The following RHD variants were observed in gnomAD, a reference collection of about 807,000 sequenced individuals.
RHD encodes the protein Rh blood group D antigen.
In RHD, 16 loss-of-function variants were observed where a neutral mutation model predicts 45.5. The ratio of observed to expected loss-of-function variants is 0.35; its 90% CI spans 0.24 to 0.53. The LOEUF (loss-of-function observed/expected upper bound fraction) is 0.53, where lower values mean the gene tolerates loss of function less well. RHD is among the 20% of genes least tolerant of loss of function. The pLI is 0.92. For missense variants in RHD, 306 were observed against 532.0 expected (o/e 0.58, Z 4.18); for synonymous variants, 131 against 217.5 (o/e 0.60, Z 3.50).
In RHD at chr1:25,329,740, G is replaced by A. The variant is rs181689405; in HGVS notation, c.*816G>A. ...GCAATCTCGGCTCACTGCAACCTCC[G>A]CCTCCCAGGTTCAAGCAATTCTCCT... On this transcript the variant is annotated 3_prime_UTR_variant, in exon 10 of 10. Transcript: ENST00000328664. 974 of 128,426 alleles carry A rather than the reference G, an allele frequency of 7.6e-3. 229 individuals carry two copies. The highest frequency in any genetic ancestry group is 0.013 in the Non-Finnish European group (723 of 54,378). 8.0% of individuals were successfully genotyped at this position (128,426 alleles called of 1,614,324 possible).
At position 25,305,165 on chromosome 1, in the gene RHD, A is replaced by G. The variant is rs550490174; in HGVS notation, c.940-1431A>G. ...GGTTGACAGCCAAGTGTTGACAGAG[A>G]AGTAGTATTAGCCAGGCAGAGACAT... On this transcript the variant is annotated intron_variant, in intron 6 of 9. Coordinates refer to ENST00000328664, the MANE Select transcript of RHD (RefSeq NM_016124.6). 9.2e-5 allele frequency among the ~76,000 whole-genome samples: 12 copies of G among 130,580 alleles called. 1 individual carries two copies. The highest frequency in any genetic ancestry group is 2.6e-4 in the African/African-American group (10 of 37,988). 85.7% of individuals were successfully genotyped at this position (130,580 alleles called of 152,430 possible).
At position 25,272,769 on chromosome 1, in the gene RHD, A is replaced by G. The variant is rs1020926236; in HGVS notation, c.148+74A>G. ...GGGCGGGGGAGGCCTGTGGTTCTCC[A>G]GGGGCACAGATGTTCCTTTCTACAA... On this transcript the variant is annotated intron_variant, in intron 1 of 9. Coordinates refer to ENST00000328664, the MANE Select transcript of RHD (RefSeq NM_016124.6). The G allele has an allele frequency of 1.1e-5, 15 of 1,348,482 alleles. 3 individuals are homozygous for G. The African/African-American group carries it at 1.8e-4, about 17-fold the overall frequency. 83.5% of individuals were successfully genotyped at this position (1,348,482 alleles called of 1,614,324 possible).
chr1:25,321,849 T>C (rs1187466617), intron 8 of RHD, 40 bp from the exon 9 acceptor site: 1 of 988,256 alleles, frequency 1.0e-6, no homozygotes, highest in East Asian at 2.3e-5. Flanking sequence ...AAAAATCCTG[T>C]GCTCCAAATC....
intron 9 of RHD, 63 bp downstream of exon 9, chr1:25,322,025 G>A: frequency 2.3e-6 from 2 of 865,396 alleles, no homozygotes; most frequent in Non-Finnish European, 3.9e-6. Flanking sequence ...ACATACCTGA[G>A]TATATATGTT....
Position 25,301,013 on chromosome 1 carries a change from G to A in RHD, c.554G>A (p.Trp185Ter), listed in dbSNP as rs1199559517. 2 of 1,376,386 alleles carry A rather than the reference G, an allele frequency of 1.5e-6. 1 individual carries two copies. The highest frequency in any genetic ancestry group is 2.9e-5 in the African/African-American group (2 of 68,334). The allele number at this position is 1,376,386 out of a possible 1,614,324, so 85.3% of individuals were successfully genotyped here. The change falls in exon 4 of 10, where the codon TGG (tryptophan) becomes TAG (stop). Residue 185 changes from tryptophan (W) to a stop codon, truncating the protein, a stop_gained. Coordinates refer to ENST00000328664, the MANE Select transcript of RHD (RefSeq NM_016124.6). LOFTEE classifies it high-confidence loss of function. ...GCCTATTTTGGGCTGTCTGTGGCCT[G>A]GTGCCTGCCAAAGCCTCTACCCGAG... ...FAAYFGLSVA[W>*]CLPKPLPEGT...
At chr1:25,323,570 C>G (rs1273575657) in intron 9 of RHD, among the ~76,000 whole-genome samples, 1 of 125,782 alleles carries the variant, frequency 8.0e-6, no homozygotes. Context: ...GGAGATCCTC[C>G]CCCCTCAGCC....
Position 25,319,394 on chromosome 1 carries a change from T to C in RHD, c.1153+2315T>C, listed in dbSNP as rs191843210. The stretch of plus-strand genomic sequence containing the variant: ...ACCTTGGGAAGCTGAGGTGGGAGAA[T>C]AGCTTGAGGCCAGGAGTTCAAGCCA... On this transcript the variant is annotated intron_variant, in intron 8 of 9. Coordinates refer to ENST00000328664, the MANE Select transcript of RHD (RefSeq NM_016124.6). Among the ~76,000 whole-genome samples, 6 of 132,064 alleles carry C rather than the reference T, an allele frequency of 4.5e-5. No homozygotes were observed. In the East Asian group the frequency reaches 9.8e-4, roughly 22 times the overall value. The allele number at this position is 132,064 out of a possible 152,430, so 86.6% of individuals were successfully genotyped here.
chr1:25,311,981 A>G (rs1465786813), intron 7 of RHD, among the ~76,000 whole-genome samples: 1 of 125,670 alleles, frequency 8.0e-6, no homozygotes, highest in Non-Finnish European at 1.9e-5. Flanking sequence ...CACCGCCAAG[A>G]CCCCAGAATG....
At chr1:25,304,536 T>G (rs1643645356) in intron 6 of RHD, 1 of 128,376 alleles carries the variant, frequency 7.8e-6, no homozygotes, top group Admixed American at 7.5e-5. Flanking sequence ...AGACAGAGCT[T>G]GCAGTGAGCT....
rs1277043311 is a variant in RHD at position 25,301,387 on chromosome 1, G to T, written c.635-133G>T. The T allele has an allele frequency of 6.7e-6, 6 of 890,510 alleles. 1 individual carries two copies. Among genetic ancestry groups the T allele is most frequent in the Non-Finnish European group, 1.1e-5 (6 of 558,178 alleles). 55.2% of individuals were successfully genotyped at this position (890,510 alleles called of 1,614,324 possible). A position where few individuals can be genotyped will look rare whatever the true frequency, so the allele number is the denominator to read the frequency against. The stretch of plus-strand genomic sequence containing the variant: ...CAGCTTGAGAGCTCGGAGGGGAGAC[G>T]TGACTTCCCCATCTAACTCTAAGTG... On this transcript the variant is annotated intron_variant, in intron 4 of 9. Transcript: ENST00000328664.
chr1:25,290,611 A>T, intron 2 of RHD, 30 bp from the exon 3 acceptor site: 1 of 1,354,368 alleles, frequency 7.4e-7, no homozygotes, highest in Non-Finnish European at 1.0e-6. Context: ...CTTCCTTCTC[A>T]GTCGTCCTGG....
chr1:25,276,517 A>C (rs1219867689), intron 1 of RHD, among the ~76,000 whole-genome samples: 1 of 91,728 alleles, frequency 1.1e-5, no homozygotes, highest in African/African-American at 4.3e-5. Context: ...ACATAGGGAG[A>C]CCCCCCCCCA....
chr1:25,314,482 C>G lies in RHD; in HGVS notation c.1074-2518C>G, dbSNP rs760343732. On this transcript the variant is annotated intron_variant, in intron 7 of 9. Coordinates refer to ENST00000328664, the MANE Select transcript of RHD (RefSeq NM_016124.6). ...TCCTGGATATGAATCCCACTTTGTGCGTTACCTTTTTCCTTCTTTCTTTCT... is the reference window on the plus strand; with the variant it reads ...TCCTGGATATGAATCCCACTTTGTGGGTTACCTTTTTCCTTCTTTCTTTCT... Among the ~76,000 whole-genome samples the G allele has an allele frequency of 2.3e-5, 3 of 131,684 alleles. 1 individual carries two copies. Among genetic ancestry groups the G allele is most frequent in the Non-Finnish European group, 5.4e-5 (3 of 55,550 alleles). 86.4% of individuals were successfully genotyped at this position (131,684 alleles called of 152,430 possible). A position where few individuals can be genotyped will look rare whatever the true frequency, so the allele number is the denominator to read the frequency against.
chr1:25,318,489 G>A (rs1362653098), intron 8 of RHD, among the ~76,000 whole-genome samples: 2 of 131,290 alleles, frequency 1.5e-5, no homozygotes, highest in African/African-American at 5.2e-5. Flanking sequence ...TGGGGAGGCT[G>A]AAGTAGGGGA....
rs1344181919 is a variant in RHD, at chr1:25,290,122, C to T, written c.336-519C>T. On this transcript the variant is annotated intron_variant, in intron 2 of 9. Transcript: ENST00000328664. ...CAGTGGCAAGGCTGGGACTGGAAGC[C>T]GGGCTTGTCCTGATTCCAAATCCAG... Among the ~76,000 whole-genome samples, 11 of 128,082 alleles carry T rather than the reference C, an allele frequency of 8.6e-5. 4 individuals are homozygous for T. The highest frequency in any genetic ancestry group is 1.6e-4 in the Non-Finnish European group (9 of 54,596). The allele number at this position is 128,082 out of a possible 152,430, so 84.0% of individuals were successfully genotyped here. A position where few individuals can be genotyped will look rare whatever the true frequency, so the allele number is the denominator to read the frequency against.
Position 25,290,806 on chromosome 1 carries a change from T to C in RHD, c.486+15T>C, listed in dbSNP as rs202024797. 8.8e-5 allele frequency: 121 copies of C among 1,375,792 alleles called. 10 individuals carry two copies. In the African/African-American group the frequency reaches 1.4e-3, roughly 16 times the overall value. 85.2% of individuals were successfully genotyped at this position (1,375,792 alleles called of 1,614,324 possible). On this transcript the variant is annotated intron_variant, in intron 3 of 9. Coordinates refer to ENST00000328664, the MANE Select transcript of RHD (RefSeq NM_016124.6). Reference sequence around the variant, plus strand: ...ATATCTTCAACGTGAGTCATGGTGCTGGGAGGAGGGACCTGGGAGAAAAGG... The same window carrying C: ...ATATCTTCAACGTGAGTCATGGTGCCGGGAGGAGGGACCTGGGAGAAAAGG...
intron 2 of RHD, among the ~76,000 whole-genome samples, chr1:25,287,868 G>A (rs181691964): frequency 0.024 from 2,793 of 116,684 alleles, 434 homozygotes; most frequent in African/African-American, 0.069. Flanking sequence ...TTTTACAGGC[G>A]CCTGCTACCA....
intron 7 of RHD, among the ~76,000 whole-genome samples, chr1:25,311,529 AG>A (rs1446099366): frequency 4.6e-5 from 6 of 131,122 alleles, no homozygotes; most frequent in East Asian, 3.9e-4. Flanking sequence ...CGTCTCAAAA[AG>A]AAAAAAAAAA....
At chr1:25,295,753 A>G (rs143670081) in intron 3 of RHD, among the ~76,000 whole-genome samples, 5,509 of 98,750 alleles carry the variant, frequency 0.056, 1,552 homozygotes, top group African/African-American at 0.086. Context: ...GGCTGAGACC[A>G]CAGCAAGAAA....
Sources: allele counts gnomAD v4.1 joint callset (sites outside exome capture counted in the v4.1 genomes callset), GRCh38; gene constraint gnomAD v4.1.1; transcripts MANE v1.5; gene names NCBI Gene and HGNC (gene_info 2026-07-23, HGNC 2026-07-21).